Variants in EIF3H observed in about 807,000 individuals in gnomAD.
The protein encoded by EIF3H is eukaryotic translation initiation factor 3 subunit H.
Under a neutral mutation model 44.2 loss-of-function variants are expected in EIF3H, and 26 were observed. That is an observed-to-expected ratio of 0.59 (90% confidence interval 0.43 to 0.82). The LOEUF (loss-of-function observed/expected upper bound fraction) is 0.82. EIF3H is among the 40% of genes least tolerant of loss of function. The probability of loss-of-function intolerance (pLI) is 0.00; values close to 1 mark genes in which losing one functional copy is unlikely to be tolerated. For synonymous variants in EIF3H, 166 were observed against 151.9 expected (o/e 1.09, Z -0.68); for missense variants, 359 against 432.8 (o/e 0.83, Z 1.51).
At chr8:116,755,978 C>T (rs1172358675), upstream of EIF3H, 5 of 1,536,124 alleles carry the variant, frequency 3.3e-6, no homozygotes, top group Non-Finnish European at 3.5e-6. Flanking sequence ...ATCCTTTGTG[C>T]ATGCCTACTG....
At chr8:116,700,096 G>C (rs923418298) in intron 2 of EIF3H, among the ~76,000 whole-genome samples, 2 of 152,288 alleles carry the variant, frequency 1.3e-5, no homozygotes, top group South Asian at 4.1e-4. Flanking sequence ...GTGAGCCACC[G>C]TGCCCGGCCG....
intron 2 of EIF3H, among the ~76,000 whole-genome samples, chr8:116,682,222 T>C (rs1048538064): frequency 8.5e-5 from 13 of 152,178 alleles, no homozygotes; most frequent in Admixed American, 3.9e-4. Context: ...GATGAGAAGA[T>C]TGCTTCCTCA....
At chr8:116,657,994 A>G (rs1813521188) in intron 3 of EIF3H, among the ~76,000 whole-genome samples, 1 of 152,236 alleles carries the variant, frequency 6.6e-6, no homozygotes, top group South Asian at 2.1e-4. Flanking sequence ...TAACACAGTG[A>G]AACTTTTAGC....
intron 2 of EIF3H, among the ~76,000 whole-genome samples, chr8:116,722,056 G>T (rs1468463565): frequency 6.6e-6 from 1 of 152,180 alleles, no homozygotes; most frequent in Non-Finnish European, 1.5e-5. Context: ...GAATGATATG[G>T]TTTGGCTGTG....
chr8:116,744,238 A>C (rs1450061355), intron 1 of EIF3H, among the ~76,000 whole-genome samples: 1 of 151,570 alleles, frequency 6.6e-6, no homozygotes, highest in Non-Finnish European at 1.5e-5. Context: ...ACAAACAGTA[A>C]GCCTCAAGAT....
chr8:116,662,833 G>A (rs937411908), intron 2 of EIF3H, among the ~76,000 whole-genome samples: 4 of 152,302 alleles, frequency 2.6e-5, no homozygotes, highest in South Asian at 2.1e-4. Flanking sequence ...GGGAACAATC[G>A]TGAAATTATG....
chr8:116,735,432 A>C (rs184482234), intron 1 of EIF3H, among the ~76,000 whole-genome samples: 41 of 152,352 alleles, frequency 2.7e-4, no homozygotes, highest in African/African-American at 7.9e-4. Flanking sequence ...AAGAGAAATA[A>C]AAACATCCAC....
At chr8:116,670,132 T>C (rs1235342358) in intron 2 of EIF3H, among the ~76,000 whole-genome samples, 1 of 152,198 alleles carries the variant, frequency 6.6e-6, no homozygotes, top group Non-Finnish European at 1.5e-5. Flanking sequence ...GAATTTCCTA[T>C]AATCATATGC....
intron 2 of EIF3H, among the ~76,000 whole-genome samples, chr8:116,663,119 A>G (rs1326547224): frequency 6.6e-6 from 1 of 152,180 alleles, no homozygotes; most frequent in African/African-American, 2.4e-5. Flanking sequence ...TTGCCTCCTC[A>G]TATGCAACCA....
At chr8:116,660,715 A>G (rs1184960680) in intron 2 of EIF3H, among the ~76,000 whole-genome samples, 2 of 152,156 alleles carry the variant, frequency 1.3e-5, no homozygotes, top group Non-Finnish European at 2.9e-5. Context: ...CATAAAAAGG[A>G]AAAAAAGTGT....
intron 1 of EIF3H, among the ~76,000 whole-genome samples, chr8:116,745,863 G>A (rs900200489): frequency 5.9e-5 from 9 of 151,896 alleles, no homozygotes; most frequent in African/African-American, 2.2e-4. Context: ...GGAGATCACA[G>A]TGAGCCAAGA....
In EIF3H at chr8:116,653,348, A is replaced by AACACACACATAC. The variant is rs1554597151; in HGVS notation, c.707+2507_707+2508insGTATGTGTGTGT. ...GCTCTTCAGAAAAAAAACAATCAGA[A>AACACACACATAC]ACACACACACACACACACACACAAT... On this transcript the variant is annotated intron_variant, in intron 5 of 7. Transcript: ENST00000521861. Among the ~76,000 whole-genome samples the AACACACACATAC allele has an allele frequency of 4.8e-5, 7 of 144,576 alleles. No homozygotes were observed. The Admixed American group carries it at 4.9e-4, about 10-fold the overall frequency. The allele number at this position is 144,576 out of a possible 152,430, so 94.8% of individuals were successfully genotyped here. A position where few individuals can be genotyped will look rare whatever the true frequency, so the allele number is the denominator to read the frequency against.
chr8:116,658,535 C>A, intron 3 of EIF3H: 1 of 322,524 alleles, frequency 3.1e-6, no homozygotes, highest in South Asian at 5.0e-5. Flanking sequence ...GGTCTAGTTC[C>A]ACCAGCCCCT....
At chr8:116,676,511 G>A (rs566231456) in intron 2 of EIF3H, among the ~76,000 whole-genome samples, 210 of 152,316 alleles carry the variant, frequency 1.4e-3, no homozygotes, top group Middle Eastern at 3.4e-3. Flanking sequence ...TAACTCTCAT[G>A]AGAACAGCAT....
rs1200003709 is a variant in EIF3H at position 116,726,127 on chromosome 8, T to C, written c.178A>G (p.Thr60Ala). The C allele has an allele frequency of 6.2e-7, 1 of 1,613,946 alleles. No individual in the cohort carries two copies. The highest frequency in any genetic ancestry group is 8.5e-7 in the Non-Finnish European group (1 of 1,179,950). The change falls in exon 2 of 8, where the codon ACT becomes GCT. Residue 60 changes from threonine to alanine, a missense_variant. Physicochemically the swap from Thr to Ala is moderately conservative, Grantham distance 58. This residue lies in a region of EIF3H where 91 missense variants were observed against 164.6 expected (regional missense o/e 0.55). Transcript: ENST00000521861. ...AAAAGCACTCCTTGAACAACTTCAG[T>C]TCCTTGTCCTTCTTCTTGATAATGT... ...IKHYQEEGQG[T>A]EVVQGVLLGL...
chr8:116,752,684 G>GAAAT (rs1260926674), intron 1 of EIF3H, among the ~76,000 whole-genome samples: 2 of 110,274 alleles, frequency 1.8e-5, no homozygotes, highest in Non-Finnish European at 3.9e-5. Flanking sequence ...AAGAAAGAAA[G>GAAAT]AAAGAAAGAA....
chr8:116,726,278 A>G (rs767315193), intron 1 of EIF3H, 106 bp from the exon 2 acceptor site: 11 of 1,197,618 alleles, frequency 9.2e-6, no homozygotes, highest in Non-Finnish European at 1.2e-5. Context: ...GCAAAACCAC[A>G]AATTAAATAA....
chr8:116,712,774 ATAAC>A (rs1434707880), intron 2 of EIF3H, among the ~76,000 whole-genome samples: 1 of 152,108 alleles, frequency 6.6e-6, no homozygotes, highest in African/African-American at 2.4e-5. Context: ...CTTTACTGGC[ATAAC>A]TAAGATAGCA....
rs750769411 is a variant in EIF3H at position 116,646,590 on chromosome 8, C to T, written c.842G>A (p.Arg281His). The T allele has an allele frequency of 7.4e-6, 12 of 1,613,950 alleles. No individual in the cohort carries two copies. The highest frequency in any genetic ancestry group is 4.5e-5 in the East Asian group (2 of 44,866). ...CTGGCGCTGCATATTCTCCTGCTGGCGACGCTGCTGATACTAAAATTCAAA... is the reference window on the plus strand; with the variant it reads ...CTGGCGCTGCATATTCTCCTGCTGGTGACGCTGCTGATACTAAAATTCAAA... ...QQQKHQYQQR[R>H]QQENMQRQSR... is the part of the protein sequence containing the mutation. The change falls in exon 7 of 8, where the codon CGC (arginine) becomes CAC (histidine). Residue 281 changes from arginine to histidine, a missense_variant. By Grantham distance (29) the Arg-to-His change is conservative. Coordinates refer to ENST00000521861, the MANE Select transcript of EIF3H (RefSeq NM_003756.3).
Sources: allele counts gnomAD v4.1 joint callset (sites outside exome capture counted in the v4.1 genomes callset), GRCh38; gene constraint gnomAD v4.1.1; regional missense constraint gnomAD v4.1.1; transcripts MANE v1.5; gene names NCBI Gene and HGNC (gene_info 2026-07-23, HGNC 2026-07-21).